GGN: variants seen among roughly 807,000 people sequenced by gnomAD.
GGN encodes gametogenetin.
Under a neutral mutation model 35.5 loss-of-function variants are expected in GGN, and 27 were observed. That is an observed-to-expected ratio of 0.76 (90% confidence interval 0.56 to 1.05). GGN has a LOEUF of 1.05. Among genes scored for constraint, GGN ranks in the 50% least tolerant of loss-of-function variants. The pLI is 0.00. For missense variants in GGN, 1,006 were observed against 940.7 expected, an observed-to-expected ratio of 1.07 and a Z score of -0.91; for synonymous variants, 425 against 444.1, an observed-to-expected ratio of 0.96 and a Z score of 0.54.
rs1970742970 is a variant in GGN, at chr19:38,387,005, G to A, written c.257C>T (p.Pro86Leu). The change falls in exon 3 of 4, where the codon CCT (proline) becomes CTT (leucine). Residue 86 changes from proline to leucine, a missense_variant. Pro to Leu is a moderately conservative substitution (Grantham distance 98, BLOSUM62 -3). Coordinates refer to ENST00000334928, the MANE Select transcript of GGN (RefSeq NM_152657.4). The surrounding 1 kb of genome is among the most constrained non-coding windows in gnomAD (Gnocchi z 5.3). ...TLERPSPVMP[P>L]PEEAAAVSAP... ...AGAGACCGCGGCCGCCTCTTCAGGA[G>A]GGGGCATCACTGGAGAGGGCCGTTC... 1 of 1,543,174 alleles carries A rather than the reference G, an allele frequency of 6.5e-7. No homozygotes were observed. The highest frequency in any genetic ancestry group is 8.7e-7 in the Non-Finnish European group (1 of 1,143,814).
At position 38,386,037 on chromosome 19, in the gene GGN, C is replaced by T. The variant is rs1486739413; in HGVS notation, c.1225G>A (p.Ala409Thr). The T allele has an allele frequency of 3.7e-6, 6 of 1,602,192 alleles. No homozygotes were observed. In the East Asian group the frequency reaches 1.3e-4, roughly 36 times the overall value. ...SAPGPRRPAP[A>T]LLAPPTFIFP... ...ATGAACGTAGGCGGCGCCAGCAGGG[C>T]AGGTGCGGGCCTCCGGGGCCCGGGA... The change falls in exon 3 of 4, where the codon GCC becomes ACC. Residue 409 changes from alanine to threonine, a missense_variant. Physicochemically the swap from Ala to Thr is moderately conservative, Grantham distance 58. Coordinates refer to ENST00000334928, the MANE Select transcript of GGN (RefSeq NM_152657.4).
chr19:38,386,418 C>A lies in GGN; in HGVS notation c.844G>T (p.Ala282Ser). The A allele has an allele frequency of 3.7e-6, 6 of 1,612,876 alleles. No homozygotes were observed. The highest frequency in any genetic ancestry group is 5.1e-6 in the Non-Finnish European group (6 of 1,179,956). Reference protein sequence around the residue: ...GGGGLFAASGAISYAEVLKQG... With the variant: ...GGGGLFAASGSISYAEVLKQG... ...TTCAGGACCTCGGCGTAAGAGATGG[C>A]ACCTGAGGCAGCAAAGAGGCCGCCG... The change falls in exon 3 of 4, where the codon GCC (alanine) becomes TCC (serine). Residue 282 changes from alanine (A) to serine (S), a missense_variant. Ala to Ser is a moderately conservative substitution (Grantham distance 99). Transcript: ENST00000334928.
chr19:38,385,745 T>C lies in GGN; in HGVS notation c.1517A>G (p.Glu506Gly), dbSNP rs1366375513. Residue 506 changes from glutamate (E) to glycine (G), a missense_variant, in exon 3 of 4, where the codon GAG (glutamate) becomes GGG (glycine). Glu to Gly is a moderately conservative substitution (Grantham distance 98). Coordinates refer to ENST00000334928, the MANE Select transcript of GGN (RefSeq NM_152657.4). ...GGGCGCGGACACAGGCGGCGAGGGCTCAGCCACGGTGGGAGCTGGAGCCGG... is the reference window on the plus strand; with the variant it reads ...GGGCGCGGACACAGGCGGCGAGGGCCCAGCCACGGTGGGAGCTGGAGCCGG... ...PSPAPAPTVA[E>G]PSPPVSAPAP... 1.1e-5 allele frequency: 17 copies of C among 1,523,584 alleles called. No homozygotes were observed. The highest frequency in any genetic ancestry group is 1.8e-5 in the Admixed American group (1 of 55,668). 94.4% of individuals were successfully genotyped at this position (1,523,584 alleles called of 1,614,324 possible). A position where few individuals can be genotyped will look rare whatever the true frequency, so the allele number is the denominator to read the frequency against.
Position 38,385,500 on chromosome 19 carries a change from C to A in GGN, c.1762G>T (p.Val588Leu). 1 of 1,614,082 alleles carries A rather than the reference C, an allele frequency of 6.2e-7. No individual in the cohort carries two copies. ...CACTTGCAGGGACAGGAGTTAAGCA[C>A]CTGGAAGGGCAGCCAGTGGCGCGCA... ...RAARHWLPFQVLNSCPCKCYC... is the reference protein window; with the variant it reads ...RAARHWLPFQLLNSCPCKCYC... Residue 588 changes from valine to leucine, a missense_variant, in exon 3 of 4, where the codon GTG becomes TTG. Transcript: ENST00000334928.
chr19:38,384,621 G>C, intron 3 of GGN, 92 bp from the exon 4 acceptor site: 1 of 881,824 alleles, frequency 1.1e-6, no homozygotes, highest in Admixed American at 2.2e-5. Context: ...GAATAGGGAA[G>C]CTTCTGAAGG....
Position 38,385,405 on chromosome 19 carries a change from CCT to C in GGN, c.1841+14_1841+15del, listed in dbSNP as rs2145134583. The C allele has an allele frequency of 2.5e-6, 4 of 1,613,272 alleles. No homozygotes were observed. In the East Asian group the frequency reaches 8.9e-5, roughly 36 times the overall value. ...GTCTGGGGTTCGGCACCCTCCTGTCCCTTCTCCCCTCTCACCAGGCAGAGACG... is the reference window on the plus strand; with the variant it reads ...GTCTGGGGTTCGGCACCCTCCTGTCCTCTCCCCTCTCACCAGGCAGAGACG... On this transcript the variant is annotated intron_variant, in intron 3 of 3. Coordinates refer to ENST00000334928, the MANE Select transcript of GGN (RefSeq NM_152657.4).
intron 3 of GGN, among the ~76,000 whole-genome samples, chr19:38,385,205 C>T (rs1225500922): frequency 1.3e-5 from 2 of 152,172 alleles, no homozygotes; most frequent in South Asian, 2.1e-4. Flanking sequence ...GGATTGGATG[C>T]CATAGGGCTG....
rs1203372892 is a variant in GGN, at chr19:38,385,890, G to T, written c.1372C>A (p.Pro458Thr). 6.4e-7 allele frequency: 1 copy of T among 1,554,808 alleles called. No homozygotes were observed. Among genetic ancestry groups the T allele is most frequent in the Non-Finnish European group, 8.7e-7 (1 of 1,152,212 alleles). ...TLQPPALQPT[P>T]LPVAPPLTPG... ...GTGAGCGGGGGAGCCACCGGCAGCG[G>T]CGTTGGCTGGAGCGCTGGTGGCTGC... Residue 458 changes from proline (P) to threonine (T), a missense_variant, in exon 3 of 4, where the codon CCG becomes ACG. By Grantham distance (38) the Pro-to-Thr change is conservative. Coordinates refer to ENST00000334928, the MANE Select transcript of GGN (RefSeq NM_152657.4).
At position 38,385,574 on chromosome 19, in the gene GGN, C is replaced by G. The variant is rs758913393; in HGVS notation, c.1688G>C (p.Gly563Ala). 4 of 1,614,148 alleles carry G rather than the reference C, an allele frequency of 2.5e-6. No individual in the cohort carries two copies. Among genetic ancestry groups the G allele is most frequent in the African/African-American group, 1.3e-5 (1 of 75,076 alleles). Residue 563 changes from glycine (G) to alanine (A), a missense_variant, in exon 3 of 4, where the codon GGG (glycine) becomes GCG (alanine). Gly to Ala is a moderately conservative substitution (Grantham distance 60, BLOSUM62 0). Transcript: ENST00000334928. ...CTGAGAGGCCCCGCTGCCACCACCC[C>G]CTCCACCACTGCTGTCAGGCACGGT... ...TATVPDSSGG[G>A]GGGSGASQTG...
chr19:38,385,052 C>T (rs1237184942), intron 3 of GGN, among the ~76,000 whole-genome samples: 1 of 152,218 alleles, frequency 6.6e-6, no homozygotes, highest in African/African-American at 2.4e-5. Flanking sequence ...CCCTCACCCC[C>T]ATCCCTGAGT....
Position 38,385,834 on chromosome 19 carries a change from C to G in GGN, c.1428G>C (p.Leu476=). The G allele has an allele frequency of 6.5e-7, 1 of 1,540,752 alleles. No homozygotes were observed. Among genetic ancestry groups the G allele is most frequent in the Non-Finnish European group, 8.7e-7 (1 of 1,147,598 alleles). ...TPGLGHKESA[L]APTAAPALPP... ...GCAGAGCAGGGGCTGCGGTGGGAGC[C>G]AGGGCTGACTCCTTGTGGCCCAGAC... Residue 476 remains leucine, a synonymous_variant, in exon 3 of 4, where the codon CTG becomes CTC. Coordinates refer to ENST00000334928, the MANE Select transcript of GGN (RefSeq NM_152657.4).
Position 38,385,529 on chromosome 19 carries a change from CG to C in GGN, c.1732del (p.Arg578AlafsTer38). ...GASQTGAANT[R>X]AARHWLPFQV... ...GAAGGGCAGCCAGTGGCGCGCAGCG[CG>C]GGTGTTAGCTGCCCCAGTCTGAGAG... is the stretch of plus-strand genomic sequence containing the variant. On this transcript the variant is annotated frameshift_variant, in exon 3 of 4. Coordinates refer to ENST00000334928, the MANE Select transcript of GGN (RefSeq NM_152657.4). LOFTEE classifies it high-confidence loss of function. 2 of 1,614,090 alleles carry C rather than the reference CG, an allele frequency of 1.2e-6. No individual in the cohort carries two copies. The highest frequency in any genetic ancestry group is 1.1e-5 in the South Asian group (1 of 91,074).
At position 38,385,819 on chromosome 19, in the gene GGN, G is replaced by T; in HGVS notation, c.1443C>A (p.Ala481=). The change falls in exon 3 of 4, where the codon GCC becomes GCA. Residue 481 remains alanine (A), a synonymous_variant. Transcript: ENST00000334928. ...HKESALAPTA[A]PALPPALAAD... ...CGGCTAAGGCTGGGGGCAGAGCAGG[G>T]GCTGCGGTGGGAGCCAGGGCTGACT... The T allele has an allele frequency of 6.5e-7, 1 of 1,540,380 alleles. No individual in the cohort carries two copies. The highest frequency in any genetic ancestry group is 8.7e-7 in the Non-Finnish European group (1 of 1,147,510).
rs1970763046 is a variant in GGN, at chr19:38,388,009, T to A, written c.-116A>T. On this transcript the variant is annotated 5_prime_UTR_variant, in exon 1 of 4. Transcript: ENST00000334928. ...CCCTTGAAATACTCCGAGGTCTTGT[T>A]CCTCGCCCCCAGGCCTTCTGGTTCT... 6.5e-6 allele frequency: 1 copy of A among 154,544 alleles called. No individual in the cohort carries two copies. The highest frequency in any genetic ancestry group is 2.4e-5 in the African/African-American group (1 of 41,276). The allele number at this position is 154,544 out of a possible 1,614,324, so 9.6% of individuals were successfully genotyped here. A position where few individuals can be genotyped will look rare whatever the true frequency, so the allele number is the denominator to read the frequency against.
Position 38,386,896 on chromosome 19 carries a change from G to A in GGN, c.366C>T (p.Ile122=). Reference sequence around the variant, plus strand: ...GATGGCTCGCCTCCAGCAGGCGGCGGATCCGGGGAACTGGAGTGCCCGCGG... The same window carrying A: ...GATGGCTCGCCTCCAGCAGGCGGCGAATCCGGGGAACTGGAGTGCCCGCGG... The part of the protein sequence containing the change: ...QKPAGTPVPR[I]RRLLEASHRG... The change falls in exon 3 of 4, where the codon ATC becomes ATT. Residue 122 remains isoleucine, a synonymous_variant. Coordinates refer to ENST00000334928, the MANE Select transcript of GGN (RefSeq NM_152657.4). 6.4e-7 allele frequency: 1 copy of A among 1,567,770 alleles called. No homozygotes were observed. Among genetic ancestry groups the A allele is most frequent in the Admixed American group, 1.9e-5 (1 of 53,058 alleles).
chr19:38,387,190 G>A lies in GGN; in HGVS notation c.72C>T (p.Pro24=), dbSNP rs1970748503. ...CCACCAGGGACGTCCGGCGGGAGTC[G>A]GGGGCGCGGTCCGAGGGCTGCACTT... ...SRKVQPSDRA[P]DSRRTSLVEP... is the part of the protein sequence containing the mutation. The change falls in exon 3 of 4, where the codon CCC becomes CCT. Residue 24 remains proline, a synonymous_variant. Transcript: ENST00000334928. The surrounding 1 kb of genome is among the most constrained non-coding windows in gnomAD (Gnocchi z 5.3). 1.3e-6 allele frequency: 2 copies of A among 1,591,700 alleles called. No individual in the cohort carries two copies. The highest frequency in any genetic ancestry group is 1.1e-5 in the South Asian group (1 of 87,818).
At chr19:38,385,373 T>G (rs1049235396) in intron 3 of GGN, 48 bp downstream of exon 3, 1 of 1,610,652 alleles carries the variant, frequency 6.2e-7, no homozygotes, top group Non-Finnish European at 8.5e-7. Context: ...TAGGACTCTA[T>G]CCAGCAGTCT....
Position 38,386,188 on chromosome 19 carries a change from G to T in GGN, c.1074C>A (p.Asp358Glu). Residue 358 changes from aspartate to glutamate, a missense_variant, in exon 3 of 4, where the codon GAC becomes GAA. Physicochemically the swap from Asp to Glu is conservative, Grantham distance 45. Transcript: ENST00000334928. ...KPKFDWVSAP[D>E]GPERHFRFNG... is the part of the protein sequence containing the mutation. ...TGAAGCGGAAGTGGCGTTCAGGGCC[G>T]TCGGGAGCGCTAACCCAGTCGAATT... The T allele has an allele frequency of 6.2e-7, 1 of 1,601,150 alleles. No homozygotes were observed. Among genetic ancestry groups the T allele is most frequent in the African/African-American group, 1.3e-5 (1 of 74,966 alleles).
chr19:38,386,306 C>T lies in GGN; in HGVS notation c.956G>A (p.Gly319Asp). 2 of 1,610,754 alleles carry T rather than the reference C, an allele frequency of 1.2e-6. No homozygotes were observed. The highest frequency in any genetic ancestry group is 1.7e-4 in the Middle Eastern group (1 of 6,052). ...CGAGGGAGGACCAGAGCACCCTTCG[C>T]CGTCTCCATCACCTCCCTCGGCTTC... is the stretch of plus-strand genomic sequence containing the variant. Reference protein sequence around the residue: ...AQEAEGGDGDGEGCSGPPSAP... With the variant: ...AQEAEGGDGDDEGCSGPPSAP... The change falls in exon 3 of 4, where the codon GGC becomes GAC. Residue 319 changes from glycine to aspartate, a missense_variant. Gly to Asp is a moderately conservative substitution (Grantham distance 94). Coordinates refer to ENST00000334928, the MANE Select transcript of GGN (RefSeq NM_152657.4).
Sources: allele counts gnomAD v4.1 joint callset (sites outside exome capture counted in the v4.1 genomes callset), GRCh38; gene constraint gnomAD v4.1.1; non-coding constraint Gnocchi (gnomAD v3.1); transcripts MANE v1.5; gene names NCBI Gene and HGNC (gene_info 2026-07-23, HGNC 2026-07-21).